The following SVEP1 variants were observed in gnomAD, a reference collection of about 807,000 sequenced individuals.
SVEP1 encodes sushi, von Willebrand factor type A, EGF and pentraxin domain containing 1.
In SVEP1, 164 loss-of-function variants were observed where a neutral mutation model predicts 367.3. The observed-to-expected ratio is 0.45, with a 90% CI of 0.39 to 0.51. The LOEUF (loss-of-function observed/expected upper bound fraction) is 0.51. Ranked by LOEUF, SVEP1 falls within the 20% of genes least tolerant of loss-of-function variation. The pLI is 0.00. For synonymous variants in SVEP1, 1,666 were observed against 1,611.6 expected (o/e 1.03, Z -0.81); for missense variants, 4,117 against 4,425.3 (o/e 0.93, Z 1.98).
At position 110,407,851 on chromosome 9, in the gene SVEP1, G is replaced by A. The variant is rs777938125; in HGVS notation, c.7749C>T (p.Phe2583=). 6.3e-5 allele frequency: 101 copies of A among 1,613,892 alleles called. No homozygotes were observed. The highest frequency in any genetic ancestry group is 8.2e-5 in the Non-Finnish European group (97 of 1,179,902). Residue 2583 remains phenylalanine, a synonymous_variant, in exon 38 of 48, where the codon TTC becomes TTT. Transcript: ENST00000374469. ...CATGACCAGCCACCTGAAACCCAGG[G>A]AAGCAACTGTAGATGATTATGGCAC... is the stretch of plus-strand genomic sequence containing the variant. ...SYGAIIIYSC[F]PGFQVAGHAM...
At chr9:110,551,592 G>T (rs1431668618) in intron 1 of SVEP1, among the ~76,000 whole-genome samples, 1 of 152,136 alleles carries the variant, frequency 6.6e-6, no homozygotes, top group Admixed American at 6.5e-5. Context: ...CTTCTGCGAC[G>T]GAGTAGCATT....
At position 110,511,329 on chromosome 9, in the gene SVEP1, C is replaced by T. The variant is rs117915504; in HGVS notation, c.1303+1597G>A. ...TTCTGTTCTCTCTCTGGATTCCTCA[C>T]GTGAAAAGAGTCTATTTCCTGTGAC... On this transcript the variant is annotated intron_variant, in intron 5 of 47. Transcript: ENST00000374469. 3.4e-3 allele frequency among the ~76,000 whole-genome samples: 520 copies of T among 152,108 alleles called. 3 individuals are homozygous for T. Among genetic ancestry groups the T allele is most frequent in the Non-Finnish European group, 4.1e-3 (277 of 68,000 alleles).
intron 18 of SVEP1, 29 bp from the exon 19 acceptor site, chr9:110,459,142 C>A (rs775083102): frequency 6.2e-7 from 1 of 1,604,788 alleles, no homozygotes. Flanking sequence ...ATCATATGTG[C>A]ATATAAAGTA....
At position 110,455,698 on chromosome 9, in the gene SVEP1, T is replaced by C; in HGVS notation, c.3679A>G (p.Lys1227Glu). 6.2e-7 allele frequency: 1 copy of C among 1,610,192 alleles called. No homozygotes were observed. The highest frequency in any genetic ancestry group is 8.5e-7 in the Non-Finnish European group (1 of 1,178,184). Residue 1227 changes from lysine to glutamate, a missense_variant, in exon 22 of 48, where the codon AAG (lysine) becomes GAG (glutamate). Physicochemically the swap from Lys to Glu is moderately conservative, Grantham distance 56. This residue lies in a region of SVEP1 where 2,174 missense variants were observed against 2,494.3 expected (regional missense o/e 0.87). Transcript: ENST00000374469. Reference sequence around the variant, plus strand: ...CACTCATCGATGTCTGTTTCACACTTTAAGCCTACAATGTAAACCAAATGC... The same window carrying C: ...CACTCATCGATGTCTGTTTCACACTCTAAGCCTACAATGTAAACCAAATGC... ...CLCPLGYTGL[K>E]CETDIDECSP...
intron 26 of SVEP1, 107 bp from the exon 27 acceptor site, chr9:110,443,827 T>A: frequency 1.0e-6 from 1 of 971,972 alleles, no homozygotes; most frequent in Non-Finnish European, 1.4e-6. Flanking sequence ...GTGGGTAAAG[T>A]ACTTTGTGTA....
At chr9:110,454,934 C>A (rs1295783387) in intron 22 of SVEP1, among the ~76,000 whole-genome samples, 1 of 152,116 alleles carries the variant, frequency 6.6e-6, no homozygotes, top group Non-Finnish European at 1.5e-5. Flanking sequence ...CAAACCTGCA[C>A]TTGTACTCTC....
rs750945761 is a variant in SVEP1, at chr9:110,429,874, T to G, written c.5615+46A>C. ...TTTCAGTGTTATATCACTACCAGTA[T>G]GCCATCAACATCTTCTACAATATAG... is the stretch of plus-strand genomic sequence containing the variant. On this transcript the variant is annotated intron_variant, in intron 34 of 47. Transcript: ENST00000374469. 23 of 1,512,270 alleles carry G rather than the reference T, an allele frequency of 1.5e-5. 1 individual carries two copies. In the South Asian group the frequency reaches 2.3e-4, roughly 15 times the overall value. The allele number at this position is 1,512,270 out of a possible 1,614,324, so 93.7% of individuals were successfully genotyped here.
intron 43 of SVEP1, among the ~76,000 whole-genome samples, chr9:110,380,535 A>C (rs1413011611): frequency 1.3e-5 from 2 of 152,216 alleles, no homozygotes; most frequent in Admixed American, 1.3e-4. Context: ...CATCCAGGGG[A>C]AGAAGCCAAC....
intron 3 of SVEP1, among the ~76,000 whole-genome samples, chr9:110,516,080 A>G (rs1485676629): frequency 1.5e-5 from 1 of 68,492 alleles, no homozygotes; most frequent in South Asian, 3.9e-4. Flanking sequence ...CTTGGATGCT[A>G]AAGCTAAATC....
chr9:110,436,371 G>T lies in SVEP1; in HGVS notation c.4764+9C>A. 6.2e-7 allele frequency: 1 copy of T among 1,613,838 alleles called. No homozygotes were observed. Among genetic ancestry groups the T allele is most frequent in the Non-Finnish European group, 8.5e-7 (1 of 1,179,808 alleles). On this transcript the variant is annotated intron_variant, in intron 28 of 47. Coordinates refer to ENST00000374469, the MANE Select transcript of SVEP1 (RefSeq NM_153366.4). The stretch of plus-strand genomic sequence containing the variant: ...CTCATTACTGTCATACACTGAAAAT[G>T]GAATTGACCTGCTGTGGAGACAGGA...
chr9:110,450,319 A>G, intron 23 of SVEP1, 59 bp from the exon 24 acceptor site: 5 of 1,533,580 alleles, frequency 3.3e-6, no homozygotes, highest in Non-Finnish European at 4.5e-6. Context: ...GAACACTGTA[A>G]CTAAAGTGTT....
Position 110,495,617 on chromosome 9 carries a change from C to T in SVEP1, c.1800+1198G>A, listed in dbSNP as rs535777119. Among the ~76,000 whole-genome samples, 11 of 152,100 alleles carry T rather than the reference C, an allele frequency of 7.2e-5. 1 individual carries two copies. The South Asian group carries it at 2.1e-3, about 29-fold the overall frequency. On this transcript the variant is annotated intron_variant, in intron 8 of 47. Transcript: ENST00000374469. ...TCTATGTTGCGCTCTGCATCCCCCC[C>T]GCCGCCCCCAGTGTATCCTGATTGG...
chr9:110,390,701 C>T (rs369299244), intron 40 of SVEP1, among the ~76,000 whole-genome samples: 13 of 152,050 alleles, frequency 8.5e-5, no homozygotes, highest in Admixed American at 2.0e-4. Context: ...GCTGCACACA[C>T]GAATCACCAA....
At chr9:110,514,142 T>C (rs781517505) in intron 3 of SVEP1, 36 bp from the exon 4 acceptor site, 1 of 1,595,050 alleles carries the variant, frequency 6.3e-7, no homozygotes. Context: ...CCATGTTATG[T>C]GGCACATCAG....
intron 22 of SVEP1, among the ~76,000 whole-genome samples, chr9:110,451,662 A>T (rs1307287729): frequency 6.6e-6 from 1 of 152,144 alleles, no homozygotes; most frequent in Non-Finnish European, 1.5e-5. Context: ...AGTGAAAAAG[A>T]TGTGTGATTT....
At chr9:110,528,400 G>T (rs1829973471) in intron 3 of SVEP1, among the ~76,000 whole-genome samples, 1 of 151,362 alleles carries the variant, frequency 6.6e-6, no homozygotes, top group Admixed American at 6.6e-5. Flanking sequence ...TTCCATAGAG[G>T]TTTTACTACT....
chr9:110,429,920 C>G lies in SVEP1; in HGVS notation c.5615G>C (p.Arg1872Thr). The G allele has an allele frequency of 6.2e-7, 1 of 1,612,044 alleles. No individual in the cohort carries two copies. The highest frequency in any genetic ancestry group is 1.7e-4 in the Middle Eastern group (1 of 6,056). Residue 1872 changes from arginine to threonine, a missense_variant and splice_region_variant, in exon 34 of 48, where the codon AGG (arginine) becomes ACG (threonine). Coordinates refer to ENST00000374469, the MANE Select transcript of SVEP1 (RefSeq NM_153366.4). ...AFTFGSKVTY[R>T]CNKGYTLAGD... is the part of the protein sequence containing the mutation. ...TATAGTTTTAATCTTAGATACTTAC[C>G]TATATGTCACTTTGCTGCCAAAAGT...
intron 1 of SVEP1, among the ~76,000 whole-genome samples, chr9:110,566,676 T>C (rs1830498030): frequency 1.3e-5 from 2 of 152,072 alleles, no homozygotes; most frequent in South Asian, 4.1e-4. Context: ...AGCCAAAAAG[T>C]AGGTGGTAAT....
chr9:110,520,934 C>T (rs556471801), intron 3 of SVEP1, among the ~76,000 whole-genome samples: 48 of 152,250 alleles, frequency 3.2e-4, no homozygotes, highest in African/African-American at 8.9e-4. Flanking sequence ...AATGGCATCC[C>T]CTGGAGTTGT....
Sources: gnomAD v4.1 joint callset for allele counts (sites outside exome capture counted in the v4.1 genomes callset) on GRCh38, gnomAD v4.1.1 for gene constraint, gnomAD v4.1.1 regional missense constraint, MANE v1.5 for transcripts, NCBI Gene and HGNC (gene_info 2026-07-23, HGNC 2026-07-21) for gene names.